MAP4K4: variants seen among roughly 807,000 people sequenced by gnomAD.
The protein encoded by MAP4K4 is mitogen-activated protein kinase kinase kinase kinase 4.
In MAP4K4, 38 loss-of-function variants were observed where a neutral mutation model predicts 189.6. The ratio of observed to expected loss-of-function variants is 0.20; its 90% CI spans 0.15 to 0.26. MAP4K4 has a LOEUF of 0.26. Ranked by LOEUF, MAP4K4 falls within the 10% of genes least tolerant of loss-of-function variation. The pLI, the probability that MAP4K4 is intolerant of heterozygous loss-of-function variation, is 1.00. For missense variants in MAP4K4, 1,054 were observed against 1,726.9 expected (o/e 0.61, Z 6.91); for synonymous variants, 610 against 624.3 (o/e 0.98, Z 0.34).
At chr2:101,744,217 A>C (rs963378215) in intron 2 of MAP4K4, among the ~76,000 whole-genome samples, 5 of 152,202 alleles carry the variant, frequency 3.3e-5, no homozygotes, top group African/African-American at 1.2e-4. Context: ...AAAACCTAAA[A>C]AGAGAGGCGA....
intron 2 of MAP4K4, among the ~76,000 whole-genome samples, chr2:101,765,283 T>C (rs1183383294): frequency 6.6e-6 from 1 of 152,234 alleles, no homozygotes; most frequent in Non-Finnish European, 1.5e-5. Flanking sequence ...ATTGTTGTTT[T>C]TCTTAGCTGT....
chr2:101,881,057 T>C (rs894553638), intron 27 of MAP4K4, among the ~76,000 whole-genome samples: 1 of 152,228 alleles, frequency 6.6e-6, no homozygotes, highest in Non-Finnish European at 1.5e-5. Context: ...GTGGATCAAG[T>C]TGGAAAGTAC....
chr2:101,777,926 C>G (rs967207889), intron 2 of MAP4K4, among the ~76,000 whole-genome samples: 1 of 152,218 alleles, frequency 6.6e-6, no homozygotes, highest in Admixed American at 6.5e-5. Flanking sequence ...GCAGTTGACT[C>G]AGATGATCAG....
chr2:101,719,681 G>T (rs1045752302), intron 2 of MAP4K4, among the ~76,000 whole-genome samples: 1 of 152,138 alleles, frequency 6.6e-6, no homozygotes, highest in African/African-American at 2.4e-5. Flanking sequence ...CGTCGTGTTG[G>T]AATAGAAAAT....
intron 3 of MAP4K4, among the ~76,000 whole-genome samples, chr2:101,791,908 T>A: frequency 6.6e-6 from 1 of 152,234 alleles, no homozygotes; most frequent in Non-Finnish European, 1.5e-5. Flanking sequence ...TACTTTAAAA[T>A]GAAAATGTAC....
At chr2:101,847,236 AT>A (rs1408806962) in intron 12 of MAP4K4, among the ~76,000 whole-genome samples, 1 of 152,240 alleles carries the variant, frequency 6.6e-6, no homozygotes, top group Non-Finnish European at 1.5e-5. Context: ...GTATAAAAGT[AT>A]AGCACATACA....
At chr2:101,840,421 G>T (rs1859711) in intron 10 of MAP4K4, among the ~76,000 whole-genome samples, 21,189 of 152,078 alleles carry the variant, frequency 0.14, 1,588 homozygotes, top group South Asian at 0.2. Flanking sequence ...TATTACAAGC[G>T]GTGTGGTAGC....
intron 9 of MAP4K4, among the ~76,000 whole-genome samples, 160 bp downstream of exon 9, chr2:101,836,138 T>A (rs1482736103): frequency 6.6e-6 from 1 of 152,218 alleles, no homozygotes; most frequent in East Asian, 1.9e-4. Flanking sequence ...TGATTTTTTT[T>A]AAATGAGATT....
At chr2:101,731,057 A>G (rs1192081684) in intron 2 of MAP4K4, among the ~76,000 whole-genome samples, 5 of 151,758 alleles carry the variant, frequency 3.3e-5, no homozygotes, top group Non-Finnish European at 7.4e-5. Context: ...AAAAAAACCA[A>G]ACAGTTGAAT....
At chr2:101,743,583 C>T (rs768201747) in intron 2 of MAP4K4, among the ~76,000 whole-genome samples, 1 of 152,154 alleles carries the variant, frequency 6.6e-6, no homozygotes, top group African/African-American at 2.4e-5. Flanking sequence ...GCCCTCCCCA[C>T]TTCAGACATG....
At chr2:101,720,858 G>A (rs1365221186) in intron 2 of MAP4K4, among the ~76,000 whole-genome samples, 1 of 152,112 alleles carries the variant, frequency 6.6e-6, no homozygotes, top group East Asian at 1.9e-4. Context: ...TGAATTTTTG[G>A]TTTAGGCATA....
At chr2:101,874,122 G>T in exon 26 of MAP4K4, 1 of 1,613,848 alleles carries the variant, frequency 6.2e-7, no homozygotes, top group African/African-American at 1.3e-5. Context: ...AAGCCATAAG[G>T]CAAGATCCTA....
At chr2:101,698,189 A>C (rs2035493838) in intron 1 of MAP4K4, 52 bp downstream of exon 1, 3 of 898,098 alleles carry the variant, frequency 3.3e-6, no homozygotes, top group Non-Finnish European at 4.1e-6. Context: ...GGCAGCCGGC[A>C]GCCGGGGCCG....
intron 27 of MAP4K4, among the ~76,000 whole-genome samples, chr2:101,881,024 T>G (rs1427436232): frequency 6.6e-6 from 1 of 152,208 alleles, no homozygotes; most frequent in Admixed American, 6.5e-5. Context: ...ACTTGGGATT[T>G]TGATTAGAAT....
At chr2:101,855,874 C>T (rs553220797) in intron 12 of MAP4K4, 103 bp from the exon 13 acceptor site, 9 of 1,145,074 alleles carry the variant, frequency 7.9e-6, no homozygotes, top group South Asian at 1.7e-5. Context: ...CCATGAACCT[C>T]ACCTCATTAG....
intron 2 of MAP4K4, among the ~76,000 whole-genome samples, chr2:101,707,130 A>C (rs1272473055): frequency 6.6e-6 from 1 of 151,086 alleles, no homozygotes; most frequent in Non-Finnish European, 1.5e-5. Context: ...CAACTGTCTC[A>C]CTTCTTTTTG....
exon 33 of MAP4K4, chr2:101,892,815 G>T (rs1276577024): frequency 2.3e-6 from 1 of 430,452 alleles, no homozygotes; most frequent in South Asian, 1.6e-5. Flanking sequence ...TTTGTTTCAT[G>T]GCTTCATGGT....
intron 3 of MAP4K4, 136 bp from the exon 4 acceptor site, chr2:101,823,792 A>G: frequency 1.5e-6 from 1 of 663,878 alleles, no homozygotes; most frequent in Non-Finnish European, 2.4e-6. Flanking sequence ...GCACAAGGAT[A>G]AAGTGAATGT....
At chr2:101,869,909 T>A in intron 22 of MAP4K4, 112 bp downstream of exon 22, 2 of 1,367,368 alleles carry the variant, frequency 1.5e-6, no homozygotes, top group Non-Finnish European at 1.9e-6. Context: ...ACTTACTATG[T>A]AGTTCTCGTG....
Sources: allele counts gnomAD v4.1 joint callset (sites outside exome capture counted in the v4.1 genomes callset), GRCh38; gene constraint gnomAD v4.1.1; transcripts MANE v1.5; gene names NCBI Gene and HGNC (gene_info 2026-07-23, HGNC 2026-07-21).